Variants in REPS1 observed in about 807,000 individuals in gnomAD.
The protein encoded by REPS1 is ralBP1-associated Eps domain-containing protein 1.
Under a neutral mutation model 100.9 loss-of-function variants are expected in REPS1, and 39 were observed. The ratio of observed to expected loss-of-function variants is 0.39; its 90% CI spans 0.30 to 0.50. REPS1 has a LOEUF of 0.50. Among genes scored for constraint, REPS1 ranks in the 20% least tolerant of loss-of-function variants. The pLI is 0.86. For synonymous variants in REPS1, 324 were observed against 340.3 expected, an observed-to-expected ratio of 0.95 and a Z score of 0.53; for missense variants, 821 against 968.5, an observed-to-expected ratio of 0.85 and a Z score of 2.02.
chr6:138,953,501 AC>A (rs1433748253), intron 1 of REPS1, among the ~76,000 whole-genome samples: 1 of 152,142 alleles, frequency 6.6e-6, no homozygotes, highest in African/African-American at 2.4e-5. Context: ...ACAGCAAAAA[AC>A]AAAACAAAAC....
In REPS1 at chr6:138,935,783, G is replaced by T. The variant is rs550518467; in HGVS notation, c.1135+5552C>A. ...GCAGGAGAATTGCTTGAACCTGGGA[G>T]GGGGAGGTTGCAGTGAGCCAAGATC... is the stretch of plus-strand genomic sequence containing the variant. On this transcript the variant is annotated intron_variant, in intron 8 of 19. Transcript: ENST00000450536. Among the ~76,000 whole-genome samples the T allele has an allele frequency of 1.0e-4, 15 of 149,088 alleles. No individual in the cohort carries two copies. The East Asian group carries it at 3.0e-3, about 30-fold the overall frequency.
chr6:138,915,667 G>A (rs1468423349), intron 14 of REPS1, among the ~76,000 whole-genome samples, 191 bp downstream of exon 14: 1 of 151,972 alleles, frequency 6.6e-6, no homozygotes, highest in Admixed American at 6.6e-5. Context: ...TGGCCAGGCT[G>A]GTCTCGAACT....
intron 1 of REPS1, among the ~76,000 whole-genome samples, chr6:138,980,409 G>A (rs1784873068): frequency 6.6e-6 from 1 of 152,092 alleles, no homozygotes; most frequent in Non-Finnish European, 1.5e-5. Flanking sequence ...TTATCACTGA[G>A]TACAAGGGCC....
At chr6:138,973,223 A>C (rs1019239887) in intron 1 of REPS1, among the ~76,000 whole-genome samples, 2 of 152,222 alleles carry the variant, frequency 1.3e-5, no homozygotes, top group Admixed American at 6.5e-5. Flanking sequence ...GTCAAACTAA[A>C]AAACAAAAAA....
intron 2 of REPS1, among the ~76,000 whole-genome samples, chr6:138,947,443 T>C (rs1782712529): frequency 6.6e-6 from 1 of 152,228 alleles, no homozygotes; most frequent in Non-Finnish European, 1.5e-5. Flanking sequence ...ACAGGGACGC[T>C]ATACATGAAG....
intron 12 of REPS1, among the ~76,000 whole-genome samples, chr6:138,917,979 A>T (rs1780512679): frequency 6.6e-6 from 1 of 152,242 alleles, no homozygotes; most frequent in South Asian, 2.1e-4. Context: ...AACCGCAAAC[A>T]GAAAATATTA....
At chr6:138,929,124 G>C (rs1442681807) in intron 9 of REPS1, 1 of 152,008 alleles carries the variant, frequency 6.6e-6, no homozygotes, top group Non-Finnish European at 1.5e-5. Flanking sequence ...ACAAACTTTT[G>C]TATTTTTAGC....
At chr6:138,926,617 C>T in intron 9 of REPS1, 136 bp from the exon 10 acceptor site, 1 of 630,784 alleles carries the variant, frequency 1.6e-6, no homozygotes. Flanking sequence ...TCAGTAATTT[C>T]TATTTTTCCG....
intron 8 of REPS1, among the ~76,000 whole-genome samples, chr6:138,932,615 C>A (rs1051845921): frequency 6.6e-6 from 1 of 152,194 alleles, no homozygotes; most frequent in African/African-American, 2.4e-5. Flanking sequence ...ATACACACAG[C>A]ATTTCTGCTG....
chr6:138,945,937 A>G (rs1458792818), intron 2 of REPS1, among the ~76,000 whole-genome samples: 7 of 152,208 alleles, frequency 4.6e-5, no homozygotes, highest in Non-Finnish European at 7.4e-5. Flanking sequence ...AACAATGGCT[A>G]CATCAAATGT....
chr6:138,910,007 A>G (rs1333428591), intron 17 of REPS1, among the ~76,000 whole-genome samples: 1 of 152,174 alleles, frequency 6.6e-6, no homozygotes, highest in African/African-American at 2.4e-5. Flanking sequence ...CTTGCAATCT[A>G]AAGTACACTG....
chr6:138,966,546 G>T (rs912501364), intron 1 of REPS1, among the ~76,000 whole-genome samples: 3 of 152,152 alleles, frequency 2.0e-5, no homozygotes, highest in African/African-American at 7.2e-5. Flanking sequence ...ATAGCTGAGA[G>T]AACTGACCAT....
At chr6:138,928,925 T>C (rs1323435530) in intron 9 of REPS1, 2 of 152,310 alleles carry the variant, frequency 1.3e-5, no homozygotes, top group Middle Eastern at 3.4e-3. Context: ...TGTGATGTTA[T>C]AATGTCTCAG....
chr6:138,976,238 T>C (rs1784597387), intron 1 of REPS1, among the ~76,000 whole-genome samples: 1 of 152,198 alleles, frequency 6.6e-6, no homozygotes, highest in South Asian at 2.1e-4. Flanking sequence ...GATATAGATA[T>C]TTCTATTTCC....
At chr6:138,969,524 AGTGATCCATCTGCCTCG>A (rs1346774274) in intron 1 of REPS1, among the ~76,000 whole-genome samples, 1 of 150,666 alleles carries the variant, frequency 6.6e-6, no homozygotes, top group Non-Finnish European at 1.5e-5. Flanking sequence ...CCTGGGCTCA[AGTGATCCATCTGCCTCG>A]GCCTCCCAAA....
At chr6:138,978,911 G>A (rs1342283349) in intron 1 of REPS1, among the ~76,000 whole-genome samples, 3 of 151,974 alleles carry the variant, frequency 2.0e-5, no homozygotes, top group East Asian at 3.9e-4. Flanking sequence ...GGCCGGGCAC[G>A]GTGGCTCATG....
intron 6 of REPS1, 84 bp downstream of exon 6, chr6:138,943,769 T>C (rs1782423148): frequency 4.0e-6 from 5 of 1,245,278 alleles, no homozygotes; most frequent in African/African-American, 1.5e-5. Flanking sequence ...TTAAAATCTA[T>C]GACCAATAAA....
intron 13 of REPS1, 195 bp from the exon 14 acceptor site, chr6:138,916,171 G>T: frequency 8.2e-6 from 4 of 486,178 alleles, no homozygotes; most frequent in South Asian, 3.0e-5. Context: ...TATTTTATGT[G>T]GCTAACAATT....
chr6:138,959,896 A>C (rs958788265), intron 1 of REPS1, among the ~76,000 whole-genome samples: 1 of 152,220 alleles, frequency 6.6e-6, no homozygotes, highest in Non-Finnish European at 1.5e-5. Context: ...CATAGGAAAG[A>C]AAACTGAGGC....
Sources: gnomAD v4.1 joint callset for allele counts (sites outside exome capture counted in the v4.1 genomes callset) on GRCh38, gnomAD v4.1.1 for gene constraint, MANE v1.5 for transcripts, NCBI Gene and HGNC (gene_info 2026-07-23, HGNC 2026-07-21) for gene names.